SLC26A3: variants seen among roughly 807,000 people sequenced by gnomAD.
The protein encoded by SLC26A3 is chloride anion exchanger.
SLC26A3 carries 64 observed loss-of-function variants against 85.6 expected under a neutral mutation model. The ratio of observed to expected loss-of-function variants is 0.75; its 90% CI spans 0.61 to 0.92. The LOEUF (loss-of-function observed/expected upper bound fraction) is 0.92, where lower values mean the gene tolerates loss of function less well. Ranked by LOEUF, SLC26A3 falls within the 40% of genes least tolerant of loss-of-function variation. The pLI, the probability that SLC26A3 is intolerant of heterozygous loss-of-function variation, is 0.00. For synonymous variants in SLC26A3, 349 were observed against 336.0 expected, an observed-to-expected ratio of 1.04 and a Z score of -0.42; for missense variants, 922 against 927.3, an observed-to-expected ratio of 0.99 and a Z score of 0.07.
At chr7:107,799,223 C>T (rs1034669161) in intron 1 of SLC26A3, among the ~76,000 whole-genome samples, 1 of 151,998 alleles carries the variant, frequency 6.6e-6, no homozygotes, top group African/African-American at 2.4e-5. Flanking sequence ...ACTACATTGC[C>T]GAAGATGCTG....
At chr7:107,770,468 G>A (rs188688186) in intron 18 of SLC26A3, among the ~76,000 whole-genome samples, 2 of 150,900 alleles carry the variant, frequency 1.3e-5, no homozygotes, top group East Asian at 3.9e-4. Flanking sequence ...ATGTTGCCCA[G>A]GCTAGTCTCA....
chr7:107,800,830 CTG>C (rs896115202), intron 1 of SLC26A3, among the ~76,000 whole-genome samples: 1 of 152,218 alleles, frequency 6.6e-6, no homozygotes, highest in African/African-American at 2.4e-5. Flanking sequence ...TGTGAAGGAA[CTG>C]TGAGTCTTGT....
intron 6 of SLC26A3, 78 bp from the exon 7 acceptor site, chr7:107,787,587 A>C: frequency 7.8e-7 from 1 of 1,278,420 alleles, no homozygotes; most frequent in Non-Finnish European, 1.1e-6. Flanking sequence ...CAAACAAATA[A>C]AAATAAACAT....
At chr7:107,786,575 C>T (rs147058053) in intron 8 of SLC26A3, among the ~76,000 whole-genome samples, 36 of 150,882 alleles carry the variant, frequency 2.4e-4, no homozygotes, top group Middle Eastern at 3.4e-3. Flanking sequence ...CAAGGAGAAG[C>T]CTTCTGATAT....
chr7:107,786,682 GCCTT>G (rs1794301404), intron 8 of SLC26A3, 141 bp downstream of exon 8: 1 of 773,244 alleles, frequency 1.3e-6, no homozygotes, highest in African/African-American at 1.7e-5. Context: ...AAAGCAGTGA[GCCTT>G]CCTTAGGGAT....
intron 8 of SLC26A3, 91 bp downstream of exon 8, chr7:107,786,736 G>C: frequency 9.5e-7 from 1 of 1,056,568 alleles, no homozygotes. Flanking sequence ...TTACCTGCAG[G>C]CTGAACTGCA....
At chr7:107,796,603 C>T (rs929393) in intron 1 of SLC26A3, among the ~76,000 whole-genome samples, 69,320 of 151,966 alleles carry the variant, frequency 0.46, 16,538 homozygotes, top group African/African-American at 0.58. Context: ...CATTGCTGTG[C>T]AGAGCATGGA....
intron 4 of SLC26A3, 34 bp from the exon 5 acceptor site, chr7:107,791,269 T>G: frequency 1.3e-6 from 2 of 1,593,074 alleles, no homozygotes; most frequent in South Asian, 2.2e-5. Flanking sequence ...GGTCAGTATA[T>G]GCCTCTCTAA....
Position 107,783,083 on chromosome 7 carries a change from G to A in SLC26A3, c.1130C>T (p.Ala377Val). The stretch of plus-strand genomic sequence containing the variant: ...ACAGACTATGTTACCCAGTCCCAAG[G>A]CTATTAACTCCTGACAGGAAGACAA... ...YPLDGNQELI[A>V]LGLGNIVCGV... Residue 377 changes from alanine to valine, a missense_variant, in exon 10 of 21, where the codon GCC becomes GTC. Ala to Val is a moderately conservative substitution (Grantham distance 64, BLOSUM62 0). Coordinates refer to ENST00000340010, the MANE Select transcript of SLC26A3 (RefSeq NM_000111.3). 6.2e-7 allele frequency: 1 copy of A among 1,614,030 alleles called. No individual in the cohort carries two copies. The highest frequency in any genetic ancestry group is 8.5e-7 in the Non-Finnish European group (1 of 1,179,894).
At chr7:107,768,605 G>A (rs1172006100) in intron 18 of SLC26A3, among the ~76,000 whole-genome samples, 1 of 152,134 alleles carries the variant, frequency 6.6e-6, no homozygotes, top group Non-Finnish European at 1.5e-5. Context: ...ATAATAATGA[G>A]GGAAAGGAGC....
At chr7:107,786,752 G>A in intron 8 of SLC26A3, 75 bp downstream of exon 8, 5 of 1,258,918 alleles carry the variant, frequency 4.0e-6, no homozygotes, top group African/African-American at 1.5e-5. Flanking sequence ...CTGCAGTTCG[G>A]ATTGTACCTC....
At chr7:107,786,547 T>C (rs1246648620) in intron 8 of SLC26A3, among the ~76,000 whole-genome samples, 1 of 151,732 alleles carries the variant, frequency 6.6e-6, no homozygotes, top group Non-Finnish European at 1.5e-5. Flanking sequence ...CTGCTTGTCT[T>C]GTTTGTGAGT....
intron 11 of SLC26A3, 79 bp from the exon 12 acceptor site, chr7:107,779,842 A>C: frequency 4.1e-6 from 5 of 1,214,000 alleles, no homozygotes; most frequent in South Asian, 3.7e-5. Context: ...GGCTATAGAT[A>C]AGTGTGTGCT....
intron 1 of SLC26A3, among the ~76,000 whole-genome samples, chr7:107,795,366 C>A (rs1794478012): frequency 6.6e-6 from 1 of 152,142 alleles, no homozygotes; most frequent in Non-Finnish European, 1.5e-5. Context: ...TGATTATTAG[C>A]ATTTTTTACA....
chr7:107,774,908 A>C, intron 15 of SLC26A3, 36 bp from the exon 16 acceptor site: 9 of 1,451,656 alleles, frequency 6.2e-6, no homozygotes, highest in Non-Finnish European at 8.7e-6. Flanking sequence ...AGAGTACTGA[A>C]TATTCTGTTA....
At chr7:107,775,719 C>A (rs1277468100) in intron 15 of SLC26A3, among the ~76,000 whole-genome samples, 1 of 149,914 alleles carries the variant, frequency 6.7e-6, no homozygotes, top group Non-Finnish European at 1.5e-5. Flanking sequence ...GAGACCTTGT[C>A]TCAAAAAAAA....
At position 107,791,899 on chromosome 7, in the gene SLC26A3, C is replaced by G. The variant is rs1365898185; in HGVS notation, c.313G>C (p.Gly105Arg). The change falls in exon 4 of 21, where the codon GGG (glycine) becomes CGG (arginine). Residue 105 changes from glycine to arginine, a missense_variant. By Grantham distance (125) the Gly-to-Arg change is moderately radical. Transcript: ENST00000340010. Reference protein sequence around the residue: ...ALLVDIPPVYGLYASFFPAII... With the variant: ...ALLVDIPPVYRLYASFFPAII... ...GCTGGGAAAAAGGATGCATACAACCCATAGACTGGGGGAATGTCGACCAGC... is the reference window on the plus strand; with the variant it reads ...GCTGGGAAAAAGGATGCATACAACCGATAGACTGGGGGAATGTCGACCAGC... 6.2e-7 allele frequency: 1 copy of G among 1,613,690 alleles called. No homozygotes were observed. The highest frequency in any genetic ancestry group is 1.3e-5 in the African/African-American group (1 of 74,914).
At chr7:107,796,214 T>C (rs1794496686) in intron 1 of SLC26A3, among the ~76,000 whole-genome samples, 1 of 151,972 alleles carries the variant, frequency 6.6e-6, no homozygotes, top group Admixed American at 6.6e-5. Flanking sequence ...GCTCAAGCGG[T>C]CCTCCTGTCT....
chr7:107,784,311 G>T (rs895696455), intron 8 of SLC26A3, among the ~76,000 whole-genome samples: 1 of 152,102 alleles, frequency 6.6e-6, no homozygotes, highest in East Asian at 1.9e-4. Flanking sequence ...TTATTCTTTT[G>T]TTCTGGTCTC....
Sources: allele counts gnomAD v4.1 joint callset (sites outside exome capture counted in the v4.1 genomes callset), GRCh38; gene constraint gnomAD v4.1.1; transcripts MANE v1.5; gene names NCBI Gene and HGNC (gene_info 2026-07-23, HGNC 2026-07-21).